The following ADD2 variants were observed in gnomAD, a reference collection of about 807,000 sequenced individuals.
ADD2 encodes the protein beta-adducin.
ADD2 carries 23 observed loss-of-function variants against 83.0 expected under a neutral mutation model. The ratio of observed to expected loss-of-function variants is 0.28; its 90% CI spans 0.20 to 0.39. ADD2 has a LOEUF of 0.39. Ranked by LOEUF, ADD2 falls within the 10% of genes least tolerant of loss-of-function variation. The probability of loss-of-function intolerance (pLI) is 1.00; values close to 1 mark genes in which losing one functional copy is unlikely to be tolerated. For missense variants in ADD2, 758 were observed against 944.9 expected (o/e 0.80, Z 2.59); for synonymous variants, 375 against 375.4 (o/e 1.00, Z 0.01).
intron 1 of ADD2, among the ~76,000 whole-genome samples, chr2:70,723,553 G>A (rs565059413): frequency 4.5e-4 from 69 of 152,258 alleles, no homozygotes; most frequent in Non-Finnish European, 9.0e-4. Flanking sequence ...TGCACTACAA[G>A]ACATAGGTAG....
At chr2:70,723,574 G>A (rs781931242) in intron 1 of ADD2, among the ~76,000 whole-genome samples, 26 of 152,152 alleles carry the variant, frequency 1.7e-4, no homozygotes, top group Non-Finnish European at 3.4e-4. Context: ...ATTTTTAGCT[G>A]ATACGCACTT....
rs1553373978 is a variant in ADD2, at chr2:70,704,309, G to A, written c.322+12C>T. The stretch of plus-strand genomic sequence containing the variant: ...CACCTCTGCTCCTGGCAGCTCCCCA[G>A]ACACCACATACTCATGGAAGATGTC... On this transcript the variant is annotated intron_variant, in intron 4 of 15. Coordinates refer to ENST00000264436, the MANE Select transcript of ADD2 (RefSeq NM_001617.4). 2.5e-6 allele frequency: 3 copies of A among 1,202,558 alleles called. No homozygotes were observed. The African/African-American group carries it at 5.6e-5, about 23-fold the overall frequency. 74.5% of individuals were successfully genotyped at this position (1,202,558 alleles called of 1,614,324 possible). A position where few individuals can be genotyped will look rare whatever the true frequency, so the allele number is the denominator to read the frequency against.
intron 6 of ADD2, 136 bp from the exon 7 acceptor site, chr2:70,692,688 G>A (rs529640066): frequency 4.1e-6 from 4 of 982,338 alleles, no homozygotes; most frequent in Admixed American, 3.2e-5. Flanking sequence ...GACGGACTTG[G>A]TGTTGGAAGA....
chr2:70,730,911 T>G (rs782488706), intron 1 of ADD2, among the ~76,000 whole-genome samples: 2 of 152,158 alleles, frequency 1.3e-5, no homozygotes, highest in Non-Finnish European at 2.9e-5. Context: ...ACAGGCTAGG[T>G]TTGTGTAAGT....
At chr2:70,689,269 T>C (rs1670903952) in intron 8 of ADD2, among the ~76,000 whole-genome samples, 1 of 152,230 alleles carries the variant, frequency 6.6e-6, no homozygotes, top group Admixed American at 6.5e-5. Flanking sequence ...AAAGTTCAAC[T>C]GCATCTTCCC....
At chr2:70,750,165 G>A (rs1674436101) in intron 1 of ADD2, among the ~76,000 whole-genome samples, 1 of 152,144 alleles carries the variant, frequency 6.6e-6, no homozygotes, top group Admixed American at 6.5e-5. Flanking sequence ...TGGGAATAAT[G>A]TCCCACCAAA....
intron 2 of ADD2, among the ~76,000 whole-genome samples, chr2:70,707,496 A>G (rs1001149038): frequency 1.3e-5 from 2 of 152,234 alleles, no homozygotes; most frequent in South Asian, 4.1e-4. Context: ...TTCTGTTGCT[A>G]TCTTGGAGCC....
At chr2:70,675,900 G>A (rs782753248) in intron 13 of ADD2, 13 of 985,136 alleles carry the variant, frequency 1.3e-5, no homozygotes, top group African/African-American at 7.0e-5. Context: ...CTCACCTCCC[G>A]CCAGAACATG....
At chr2:70,758,239 A>C (rs1674901242) in intron 1 of ADD2, among the ~76,000 whole-genome samples, 1 of 152,222 alleles carries the variant, frequency 6.6e-6, no homozygotes, top group Non-Finnish European at 1.5e-5. Context: ...ACAATAATGC[A>C]CAATGTTCTT....
chr2:70,741,436 G>A (rs1553381098), intron 1 of ADD2: 1 of 152,224 alleles, frequency 6.6e-6, no homozygotes, highest in East Asian at 1.9e-4. Flanking sequence ...AGGACAGTGA[G>A]AGCAAATGTA....
At chr2:70,687,936 G>T in intron 9 of ADD2, 88 bp downstream of exon 9, 1 of 946,098 alleles carries the variant, frequency 1.1e-6, no homozygotes, top group South Asian at 1.4e-5. Context: ...AAGACTCCCT[G>T]AATCACAGCC....
At chr2:70,681,328 A>G (rs1470324292) in intron 10 of ADD2, among the ~76,000 whole-genome samples, 1 of 152,136 alleles carries the variant, frequency 6.6e-6, no homozygotes, top group Non-Finnish European at 1.5e-5. Context: ...AGTATCACCC[A>G]TACCTTAGCC....
intron 10 of ADD2, among the ~76,000 whole-genome samples, chr2:70,683,055 C>T (rs1670541340): frequency 7.1e-6 from 1 of 141,174 alleles, no homozygotes. Flanking sequence ...CAGAGTCTCA[C>T]TCTGTCACCC....
intron 1 of ADD2, among the ~76,000 whole-genome samples, chr2:70,729,917 G>T (rs144925070): frequency 1.3e-5 from 2 of 152,274 alleles, no homozygotes; most frequent in African/African-American, 2.4e-5. Context: ...AATACGAAAT[G>T]ACCATTTCTA....
At chr2:70,664,506 G>A (rs985898178) in intron 15 of ADD2, among the ~76,000 whole-genome samples, 1 of 152,182 alleles carries the variant, frequency 6.6e-6, no homozygotes, top group Non-Finnish European at 1.5e-5. Flanking sequence ...GCCTGGATGG[G>A]GTGAGAGTCA....
intron 1 of ADD2, among the ~76,000 whole-genome samples, chr2:70,738,117 C>T (rs1673683125): frequency 6.6e-6 from 1 of 152,116 alleles, no homozygotes; most frequent in South Asian, 2.1e-4. Flanking sequence ...ATAAATTAAA[C>T]ACTACTTGGG....
At chr2:70,756,750 C>T (rs1674813253) in intron 1 of ADD2, among the ~76,000 whole-genome samples, 2 of 152,142 alleles carry the variant, frequency 1.3e-5, no homozygotes, top group African/African-American at 4.8e-5. Context: ...AATCTATTGT[C>T]TGGAGTTGTG....
chr2:70,747,022 T>TTTC, intron 1 of ADD2, among the ~76,000 whole-genome samples: 1 of 150,062 alleles, frequency 6.7e-6, no homozygotes, highest in Non-Finnish European at 1.5e-5. Flanking sequence ...TTTTTTTTTT[T>TTTC]TTTTTGAGAC....
At chr2:70,694,544 C>T (rs1008490906) in intron 6 of ADD2, among the ~76,000 whole-genome samples, 5 of 152,176 alleles carry the variant, frequency 3.3e-5, no homozygotes, top group Admixed American at 1.3e-4. Context: ...CAGACTTGGC[C>T]TGTCTTCCCA....
Sources: gnomAD v4.1 joint callset for allele counts (sites outside exome capture counted in the v4.1 genomes callset) on GRCh38, gnomAD v4.1.1 for gene constraint, MANE v1.5 for transcripts, NCBI Gene and HGNC (gene_info 2026-07-23, HGNC 2026-07-21) for gene names.